The following ARHGAP8 variants were observed in gnomAD, a reference collection of about 807,000 sequenced individuals.
ARHGAP8 encodes the protein rho GTPase-activating protein 8.
Under a neutral mutation model 46.1 loss-of-function variants are expected in ARHGAP8, and 62 were observed. The ratio of observed to expected loss-of-function variants is 1.34; its 90% CI spans 1.10 to 1.66. The LOEUF is 1.66. Among genes scored for constraint, ARHGAP8 ranks in the 40% most tolerant of loss-of-function variants. ARHGAP8 has a pLI of 0.00. For missense variants in ARHGAP8, 923 were observed against 568.4 expected (o/e 1.62, Z -6.34); for synonymous variants, 375 against 243.1 (o/e 1.54, Z -5.05).
intron 1 of ARHGAP8, among the ~76,000 whole-genome samples, chr22:44,753,225 C>CTTT (rs529491341): frequency 6.4e-5 from 9 of 140,732 alleles, no homozygotes; most frequent in East Asian, 2.1e-4. Context: ...AAAGCAGAAA[C>CTTT]TTTTTTTTTT....
At chr22:44,781,027 C>T (rs963687368) in intron 1 of ARHGAP8, among the ~76,000 whole-genome samples, 6 of 152,164 alleles carry the variant, frequency 3.9e-5, no homozygotes, top group East Asian at 3.9e-4. Flanking sequence ...CACAGACTCC[C>T]GTGCACGTGT....
intron 5 of ARHGAP8, among the ~76,000 whole-genome samples, chr22:44,820,976 C>T (rs1015330196): frequency 6.6e-6 from 1 of 152,182 alleles, no homozygotes; most frequent in African/African-American, 2.4e-5. Flanking sequence ...GCCACGGTAA[C>T]TTGAATTATT....
intron 7 of ARHGAP8, among the ~76,000 whole-genome samples, chr22:44,837,907 C>T (rs868607294): frequency 1.2e-4 from 19 of 152,188 alleles, no homozygotes; most frequent in African/African-American, 4.3e-4. Context: ...CCTCAGTTTT[C>T]TCATCTGCCT....
At chr22:44,858,533 C>CTTTTTTTTTTTTT (rs10700242) in intron 10 of ARHGAP8, among the ~76,000 whole-genome samples, 934 of 89,712 alleles carry the variant, frequency 0.01, 61 homozygotes, top group Non-Finnish European at 0.015. Flanking sequence ...CCATACCCGG[C>CTTTTTTTTTTTTT]TTTTTTTTTT....
rs977400440 is a variant in ARHGAP8, at chr22:44,862,557, C to G, written c.1264C>G (p.Pro422Ala). The G allele has an allele frequency of 2.5e-6, 4 of 1,597,386 alleles. No individual in the cohort carries two copies. Among genetic ancestry groups the G allele is most frequent in the Non-Finnish European group, 2.6e-6 (3 of 1,167,474 alleles). ...QATGLTKPTL[P>A]PSPLMAARRR... The stretch of plus-strand genomic sequence containing the variant: ...CACGGGCCTCACCAAGCCTACCCTA[C>G]CTCCGAGTCCCCTGATGGCAGCCAG... Residue 422 changes from proline to alanine, a missense_variant, in exon 12 of 12, where the codon CCT (proline) becomes GCT (alanine). Transcript: ENST00000356099.
chr22:44,798,432 C>T (rs996522117), intron 2 of ARHGAP8, among the ~76,000 whole-genome samples: 6 of 152,116 alleles, frequency 3.9e-5, no homozygotes, highest in Admixed American at 6.5e-5. Flanking sequence ...TTGAAGCCTA[C>T]GCTAAATCCA....
intron 1 of ARHGAP8, among the ~76,000 whole-genome samples, chr22:44,769,783 C>T (rs539791506): frequency 4.6e-5 from 7 of 152,236 alleles, no homozygotes; most frequent in South Asian, 4.1e-4. Context: ...CGCAGGATTG[C>T]GGTAAAGAAA....
At chr22:44,757,434 C>T (rs546573007) in intron 1 of ARHGAP8, among the ~76,000 whole-genome samples, 1 of 152,134 alleles carries the variant, frequency 6.6e-6, no homozygotes, top group African/African-American at 2.4e-5. Context: ...TGCGCCACCA[C>T]ACCTGGCTAA....
At chr22:44,799,170 C>T (rs1201301471) in intron 2 of ARHGAP8, among the ~76,000 whole-genome samples, 1 of 152,230 alleles carries the variant, frequency 6.6e-6, no homozygotes, top group Admixed American at 6.5e-5. Flanking sequence ...GGGCCTGGAA[C>T]CTTGGCCAAG....
At chr22:44,811,751 T>C (rs990334327) in intron 4 of ARHGAP8, among the ~76,000 whole-genome samples, 3 of 152,092 alleles carry the variant, frequency 2.0e-5, no homozygotes, top group African/African-American at 7.2e-5. Context: ...ATCCCAGCAC[T>C]TTGGGAGTCT....
At chr22:44,797,910 T>C (rs1928207399) in intron 2 of ARHGAP8, among the ~76,000 whole-genome samples, 1 of 151,844 alleles carries the variant, frequency 6.6e-6, no homozygotes, top group African/African-American at 2.4e-5. Context: ...TGAGCTCAAG[T>C]GAGCCTTCCA....
At chr22:44,835,531 G>A (rs1931226063) in intron 7 of ARHGAP8, among the ~76,000 whole-genome samples, 1 of 152,186 alleles carries the variant, frequency 6.6e-6, no homozygotes, top group African/African-American at 2.4e-5. Context: ...TGAGGCAGGA[G>A]AATCACTTGA....
chr22:44,765,119 A>T (rs1483152595), intron 1 of ARHGAP8: 1 of 152,300 alleles, frequency 6.6e-6, no homozygotes, highest in Non-Finnish European at 1.5e-5. Context: ...CAGCCCTGTG[A>T]CCTGAGAGTG....
chr22:44,827,898 G>A (rs866892767), intron 7 of ARHGAP8, among the ~76,000 whole-genome samples: 18 of 152,110 alleles, frequency 1.2e-4, no homozygotes, highest in African/African-American at 3.9e-4. Context: ...CCCCAGCGTC[G>A]GTCCCTAGAC....
At chr22:44,798,260 G>A (rs1928238569) in intron 2 of ARHGAP8, among the ~76,000 whole-genome samples, 1 of 152,080 alleles carries the variant, frequency 6.6e-6, no homozygotes, top group African/African-American at 2.4e-5. Context: ...ACATGAGTGA[G>A]CCACTGCACC....
intron 9 of ARHGAP8, 148 bp downstream of exon 9, chr22:44,848,198 G>A: frequency 1.8e-6 from 2 of 1,108,048 alleles, no homozygotes; most frequent in Non-Finnish European, 2.6e-6. Flanking sequence ...TTCCCAGGAG[G>A]CATCGAGGGG....
At chr22:44,796,917 A>G (rs1179853461) in intron 2 of ARHGAP8, among the ~76,000 whole-genome samples, 1 of 152,142 alleles carries the variant, frequency 6.6e-6, no homozygotes, top group East Asian at 1.9e-4. Flanking sequence ...GGTGCCCTCA[A>G]CCTGTGAAGG....
At chr22:44,847,260 A>G (rs940308853) in intron 8 of ARHGAP8, among the ~76,000 whole-genome samples, 2 of 152,230 alleles carry the variant, frequency 1.3e-5, no homozygotes, top group Non-Finnish European at 2.9e-5. Context: ...AGCTGCTTTC[A>G]TGAGCCAATT....
intron 8 of ARHGAP8, among the ~76,000 whole-genome samples, chr22:44,846,505 C>T (rs983040502): frequency 4.6e-5 from 7 of 152,158 alleles, no homozygotes; most frequent in South Asian, 2.1e-4. Flanking sequence ...ACCCTGCGGC[C>T]CCAGCATTTC....
Sources: allele counts gnomAD v4.1 joint callset (sites outside exome capture counted in the v4.1 genomes callset), GRCh38; gene constraint gnomAD v4.1.1; transcripts MANE v1.5; gene names NCBI Gene and HGNC (gene_info 2026-07-23, HGNC 2026-07-21).